Variants in NAALADL2 observed in about 807,000 individuals in gnomAD.
NAALADL2 encodes the protein inactive N-acetylated-alpha-linked acidic dipeptidase-like protein 2.
NAALADL2 carries 76 observed loss-of-function variants against 87.2 expected under a neutral mutation model. That is an observed-to-expected ratio of 0.87 (90% CI 0.72 to 1.05). The LOEUF (loss-of-function observed/expected upper bound fraction) is 1.05. Ranked by LOEUF, NAALADL2 falls within the 50% of genes least tolerant of loss-of-function variation. NAALADL2 has a pLI of 0.00. For synonymous variants in NAALADL2, 354 were observed against 331.0 expected, an observed-to-expected ratio of 1.07 and a Z score of -0.75; for missense variants, 1,089 against 945.8, an observed-to-expected ratio of 1.15 and a Z score of -1.99.
At chr3:175,612,549 G>C (rs781286461) in intron 10 of NAALADL2, among the ~76,000 whole-genome samples, 3 of 152,078 alleles carry the variant, frequency 2.0e-5, no homozygotes. Flanking sequence ...CCGATGTTTA[G>C]ATTCTTTTGC....
chr3:175,784,053 C>T (rs996292100), intron 13 of NAALADL2, among the ~76,000 whole-genome samples: 4 of 147,926 alleles, frequency 2.7e-5, no homozygotes, highest in African/African-American at 1.0e-4. Flanking sequence ...GGGATGAAGC[C>T]CACTTGATCA....
At chr3:175,699,659 C>T (rs114114992) in intron 11 of NAALADL2, among the ~76,000 whole-genome samples, 1,893 of 152,134 alleles carry the variant, frequency 0.012, 15 homozygotes, top group Non-Finnish European at 0.02. Flanking sequence ...CCACTGTTTA[C>T]CTTTTATGAA....
chr3:175,091,517 G>T (rs560364608), intron 1 of NAALADL2, among the ~76,000 whole-genome samples: 74 of 152,074 alleles, frequency 4.9e-4, no homozygotes, highest in South Asian at 1.0e-3. Flanking sequence ...TTACAAGTAG[G>T]AAAGCCTTTA....
chr3:175,769,130 C>T (rs1749138081), intron 13 of NAALADL2, among the ~76,000 whole-genome samples: 1 of 152,126 alleles, frequency 6.6e-6, no homozygotes, highest in Non-Finnish European at 1.5e-5. Context: ...AATTTGATGT[C>T]ACTTTTTCAA....
intron 1 of NAALADL2, among the ~76,000 whole-genome samples, chr3:174,974,976 A>T (rs1744184034): frequency 6.6e-6 from 1 of 152,124 alleles, no homozygotes; most frequent in Admixed American, 6.5e-5. Context: ...TAATTTGGGG[A>T]ATTACAGAAA....
intron 3 of NAALADL2, among the ~76,000 whole-genome samples, chr3:174,841,602 C>T (rs1015043994): frequency 1.3e-5 from 2 of 152,148 alleles, no homozygotes; most frequent in African/African-American, 4.8e-5. Flanking sequence ...TGTGTTAGAT[C>T]ACTCTGTGGC....
At chr3:175,554,620 A>G (rs1387131276) in intron 9 of NAALADL2, among the ~76,000 whole-genome samples, 2 of 152,062 alleles carry the variant, frequency 1.3e-5, no homozygotes, top group Non-Finnish European at 2.9e-5. Flanking sequence ...GGGTCAAAGG[A>G]TAAGAATATC....
intron 1 of NAALADL2, among the ~76,000 whole-genome samples, chr3:174,920,122 G>T (rs1416795882): frequency 3.9e-5 from 6 of 152,254 alleles, no homozygotes; most frequent in African/African-American, 1.4e-4. Flanking sequence ...AAGGGCCCTA[G>T]AATTTTTTGA....
intron 3 of NAALADL2, among the ~76,000 whole-genome samples, chr3:175,250,095 G>A (rs1334979143): frequency 2.0e-5 from 3 of 151,650 alleles, no homozygotes; most frequent in East Asian, 1.9e-4. Context: ...GCTTGAACCC[G>A]GGAGTGGAGG....
intron 4 of NAALADL2, among the ~76,000 whole-genome samples, chr3:175,322,667 AG>A (rs1199062532): frequency 6.9e-6 from 1 of 143,898 alleles, no homozygotes; most frequent in Non-Finnish European, 1.5e-5. Context: ...CCCATCAAAA[AG>A]TGGGCGAAGG....
At chr3:174,506,753 GT>G (rs1719230553) in intron 1 of NAALADL2, among the ~76,000 whole-genome samples, 3 of 152,084 alleles carry the variant, frequency 2.0e-5, no homozygotes. Context: ...AAGTAACTAG[GT>G]GTGTGAAATT....
intron 10 of NAALADL2, among the ~76,000 whole-genome samples, chr3:175,611,783 G>A (rs1215427561): frequency 6.6e-6 from 1 of 152,040 alleles, no homozygotes; most frequent in African/African-American, 2.4e-5. Flanking sequence ...AGTGAAGCAT[G>A]GTATATAGTC....
Position 175,133,296 on chromosome 3 carries a change from T to C in NAALADL2, c.545+36005T>C, listed in dbSNP as rs576360342. On this transcript the variant is annotated intron_variant, in intron 2 of 13. Transcript: ENST00000454872. ...CAGACGATGGGCGGCCAGGCAGAGA[T>C]GCTCCTCACTTCCCAGACGGGGTGG... Among the ~76,000 whole-genome samples the C allele has an allele frequency of 4.2e-3, 634 of 151,210 alleles. 1 individual carries two copies. The highest frequency in any genetic ancestry group is 0.021 in the Middle Eastern group (6 of 288).
At chr3:175,776,869 T>A (rs1187381957) in intron 13 of NAALADL2, among the ~76,000 whole-genome samples, 1 of 152,140 alleles carries the variant, frequency 6.6e-6, no homozygotes, top group Non-Finnish European at 1.5e-5. Flanking sequence ...GTCTTTATTA[T>A]GCTCAGAAAA....
intron 11 of NAALADL2, among the ~76,000 whole-genome samples, chr3:175,702,102 T>C (rs139742257): frequency 4.7e-4 from 71 of 152,290 alleles, no homozygotes; most frequent in Admixed American, 2.9e-3. Context: ...ATGTCAAATA[T>C]GCTAGTTCTA....
chr3:175,370,197 T>G (rs1023803864), intron 5 of NAALADL2, among the ~76,000 whole-genome samples: 5 of 152,150 alleles, frequency 3.3e-5, no homozygotes, highest in Non-Finnish European at 5.9e-5. Context: ...ACTCTATGCA[T>G]TTCTCTGGGA....
intron 3 of NAALADL2, among the ~76,000 whole-genome samples, chr3:174,785,368 A>G (rs1716518733): frequency 6.6e-6 from 1 of 152,174 alleles, no homozygotes; most frequent in Non-Finnish European, 1.5e-5. Context: ...ATACCTAGTC[A>G]GTTATCCCAG....
chr3:175,264,012 G>A (rs752834467), intron 4 of NAALADL2, among the ~76,000 whole-genome samples: 20 of 151,526 alleles, frequency 1.3e-4, no homozygotes, highest in African/African-American at 3.9e-4. Context: ...TCTGTATCTC[G>A]TTTAAAATGT....
At chr3:174,614,941 G>A (rs1720306079) in intron 2 of NAALADL2, among the ~76,000 whole-genome samples, 1 of 152,102 alleles carries the variant, frequency 6.6e-6, no homozygotes, top group Non-Finnish European at 1.5e-5. Flanking sequence ...CCAGTATGAA[G>A]TTCGTTAACT....
Sources: gnomAD v4.1 joint callset for allele counts (sites outside exome capture counted in the v4.1 genomes callset) on GRCh38, gnomAD v4.1.1 for gene constraint, MANE v1.5 for transcripts, NCBI Gene and HGNC (gene_info 2026-07-23, HGNC 2026-07-21) for gene names.